Variants in FANCM observed in about 807,000 individuals in gnomAD.
FANCM encodes FA complementation group M, also known as Fanconi anemia group M protein.
In FANCM, 140 loss-of-function variants were observed where a neutral mutation model predicts 199.5. That is an observed-to-expected ratio of 0.70 (90% CI 0.61 to 0.81). The LOEUF (loss-of-function observed/expected upper bound fraction) is 0.81, where lower values mean the gene tolerates loss of function less well. Among genes scored for constraint, FANCM ranks in the 30% least tolerant of loss-of-function variants. The probability of loss-of-function intolerance (pLI) is 0.00; values close to 1 mark genes in which losing one functional copy is unlikely to be tolerated. For synonymous variants in FANCM, 840 were observed against 836.8 expected, an observed-to-expected ratio of 1.00 and a Z score of -0.07; for missense variants, 2,410 against 2,421.4, an observed-to-expected ratio of 1.00 and a Z score of 0.10.
chr14:45,154,185 G>T lies in FANCM; in HGVS notation c.1183+133G>T. The T allele has an allele frequency of 4.9e-6, 3 of 610,998 alleles. No individual in the cohort carries two copies. The South Asian group carries it at 5.3e-5, about 11-fold the overall frequency. 37.8% of individuals were successfully genotyped at this position (610,998 alleles called of 1,614,324 possible). On this transcript the variant is annotated intron_variant, in intron 6 of 22. Transcript: ENST00000267430. ...GGAAGCCGAGGTGGGTGGATCACTT[G>T]AGGTCAGGAGTTCAAGACCAGCCTG...
intron 12 of FANCM, among the ~76,000 whole-genome samples, chr14:45,172,705 A>G (rs150989571): frequency 0.01 from 1,540 of 152,268 alleles, 33 homozygotes; most frequent in African/African-American, 0.035. Context: ...ACTTTGTGAA[A>G]GTCAAGAGAA....
intron 3 of FANCM, among the ~76,000 whole-genome samples, chr14:45,148,232 C>T (rs947120720): frequency 2.7e-5 from 4 of 150,766 alleles, no homozygotes; most frequent in Non-Finnish European, 5.9e-5. Context: ...CACACACACA[C>T]ACAAAACAAC....
Position 45,176,412 on chromosome 14 carries a change from A to G in FANCM, c.3658A>G (p.Ile1220Val). 6.2e-7 allele frequency: 1 copy of G among 1,613,116 alleles called. No homozygotes were observed. Among genetic ancestry groups the G allele is most frequent in the Non-Finnish European group, 8.5e-7 (1 of 1,179,910 alleles). ...QEEKVKNHEDIFDCSRDLFSV... is the reference protein window; with the variant it reads ...QEEKVKNHEDVFDCSRDLFSV... ...AGAAAAAGTGAAGAATCATGAGGATATTTTTGATTGCTCTAGGGATTTATT... is the reference window on the plus strand; with the variant it reads ...AGAAAAAGTGAAGAATCATGAGGATGTTTTTGATTGCTCTAGGGATTTATT... The change falls in exon 14 of 23, where the codon ATT becomes GTT. Residue 1220 changes from isoleucine (I) to valine (V), a missense_variant. Physicochemically the swap from Ile to Val is conservative, Grantham distance 29 (BLOSUM62 3). Coordinates refer to ENST00000267430, the MANE Select transcript of FANCM (RefSeq NM_020937.4).
At chr14:45,140,758 T>C in intron 3 of FANCM, 49 bp downstream of exon 3, 2 of 1,200,688 alleles carry the variant, frequency 1.7e-6, no homozygotes, top group Non-Finnish European at 2.5e-6. Flanking sequence ...ATAAAGCTTT[T>C]GGCCAGGTGC....
chr14:45,162,788 G>A (rs1336950428), intron 9 of FANCM, among the ~76,000 whole-genome samples: 1 of 151,928 alleles, frequency 6.6e-6, no homozygotes, highest in African/African-American at 2.4e-5. Context: ...GTTTATACAT[G>A]TTAACTAAAA....
At chr14:45,179,231 ACT>A (rs1888906721) in intron 14 of FANCM, among the ~76,000 whole-genome samples, 1 of 151,724 alleles carries the variant, frequency 6.6e-6, no homozygotes, top group African/African-American at 2.4e-5. Flanking sequence ...TAAAATCCTT[ACT>A]CTCTGACTGA....
chr14:45,136,921 C>A, intron 1 of FANCM, 148 bp from the exon 2 acceptor site: 1 of 720,048 alleles, frequency 1.4e-6, no homozygotes, highest in Non-Finnish European at 2.4e-6. Context: ...CACACCAGAA[C>A]TTTAAAATGT....
At chr14:45,162,081 A>G (rs1282250606) in intron 9 of FANCM, among the ~76,000 whole-genome samples, 1 of 152,170 alleles carries the variant, frequency 6.6e-6, no homozygotes, top group Non-Finnish European at 1.5e-5. Flanking sequence ...GGTATTAACT[A>G]AGATGGATAA....
intron 20 of FANCM, among the ~76,000 whole-genome samples, 184 bp from the exon 21 acceptor site, chr14:45,195,988 G>T (rs1890033089): frequency 6.6e-6 from 1 of 151,762 alleles, no homozygotes; most frequent in African/African-American, 2.4e-5. Flanking sequence ...GTTAATTATA[G>T]CTTTAGAATT....
intron 18 of FANCM, among the ~76,000 whole-genome samples, chr14:45,187,387 G>C (rs546878694): frequency 2.2e-4 from 33 of 151,820 alleles, no homozygotes; most frequent in African/African-American, 7.5e-4. Flanking sequence ...TTGGCTGTGG[G>C]TTTTAATGTT....
rs139596524 is a variant in FANCM, at chr14:45,166,742, C to T, written c.1789-208C>T. Among the ~76,000 whole-genome samples the T allele has an allele frequency of 2.7e-3, 405 of 149,612 alleles. 1 individual carries two copies. The highest frequency in any genetic ancestry group is 9.6e-3 in the African/African-American group (389 of 40,484). On this transcript the variant is annotated intron_variant, in intron 10 of 22. Coordinates refer to ENST00000267430, the MANE Select transcript of FANCM (RefSeq NM_020937.4). ...AGTGAGCCCTGATCACAGCACTGTA[C>T]TCCAGAGCCTGGATGACAGAGTAAG... is the stretch of plus-strand genomic sequence containing the variant.
Position 45,199,024 on chromosome 14 carries a change from G to A in FANCM, c.6008+89G>A, listed in dbSNP as rs113106580. 9.6e-4 allele frequency: 949 copies of A among 986,726 alleles called. 10 individuals are homozygous for A. In the African/African-American group the frequency reaches 0.013, roughly 14 times the overall value. 61.1% of individuals were successfully genotyped at this position (986,726 alleles called of 1,614,324 possible). ...AGTTTAATGTTAAAAAAATTTAAGC[G>A]GCATCATGCCTGTTAGATTATTTTA... On this transcript the variant is annotated intron_variant, in intron 22 of 22. Coordinates refer to ENST00000267430, the MANE Select transcript of FANCM (RefSeq NM_020937.4).
rs1004374510 is a variant in FANCM at position 45,136,013 on chromosome 14, T to C, written c.-19T>C. 1.2e-6 allele frequency: 2 copies of C among 1,612,800 alleles called. No individual in the cohort carries two copies. Among genetic ancestry groups the C allele is most frequent in the Non-Finnish European group, 1.7e-6 (2 of 1,179,964 alleles). ...CTGCTACGGATATCTGACAGAAGCC[T>C]TCGGTGGTTGTCGGCCTAATGAGCG... On this transcript the variant is annotated 5_prime_UTR_variant, in exon 1 of 23. Transcript: ENST00000267430.
chr14:45,187,489 GT>G (rs1889478990), intron 18 of FANCM, among the ~76,000 whole-genome samples: 1 of 151,888 alleles, frequency 6.6e-6, no homozygotes, highest in Non-Finnish European at 1.5e-5. Context: ...GTATACCTTT[GT>G]TTTGAAAGAA....
intron 9 of FANCM, among the ~76,000 whole-genome samples, chr14:45,164,076 G>A (rs1468747168): frequency 6.6e-6 from 1 of 152,154 alleles, no homozygotes; most frequent in Non-Finnish European, 1.5e-5. Context: ...CTCCCAAGTA[G>A]TTAGTGCTAC....
intron 3 of FANCM, among the ~76,000 whole-genome samples, chr14:45,144,375 G>C (rs1007747169): frequency 1.4e-5 from 2 of 141,072 alleles, no homozygotes; most frequent in African/African-American, 5.6e-5. Context: ...ATCTCTATGA[G>C]TTCAATTACT....
At chr14:45,186,754 T>C (rs1889427117) in intron 18 of FANCM, among the ~76,000 whole-genome samples, 1 of 152,172 alleles carries the variant, frequency 6.6e-6, no homozygotes, top group Non-Finnish European at 1.5e-5. Flanking sequence ...GAGTCAGTAG[T>C]GTGCCTGGCC....
At chr14:45,177,131 T>TA (rs1284293422) in intron 14 of FANCM, among the ~76,000 whole-genome samples, 155 bp downstream of exon 14, 2 of 151,410 alleles carry the variant, frequency 1.3e-5, no homozygotes, top group African/African-American at 4.9e-5. Context: ...AAGATGATCT[T>TA]ACTAATATTA....
At chr14:45,148,688 T>C in intron 3 of FANCM, 149 bp from the exon 4 acceptor site, 1 of 606,902 alleles carries the variant, frequency 1.6e-6, no homozygotes, top group South Asian at 2.1e-5. Context: ...ACTTTTTTTA[T>C]AGGCTTATCT....
Sources: allele counts gnomAD v4.1 joint callset (sites outside exome capture counted in the v4.1 genomes callset), GRCh38; gene constraint gnomAD v4.1.1; transcripts MANE v1.5; gene names NCBI Gene and HGNC (gene_info 2026-07-23, HGNC 2026-07-21).